The following SLC17A9 variants were observed in gnomAD, a reference collection of about 807,000 sequenced individuals.
SLC17A9 encodes solute carrier family 17 member 9.
A neutral mutation model predicts 55.0 loss-of-function variants in SLC17A9; 49 were observed. The ratio of observed to expected loss-of-function variants is 0.89; its 90% CI spans 0.71 to 1.13. The LOEUF is 1.13. Ranked by LOEUF, SLC17A9 falls within the 50% of genes most tolerant of loss-of-function variation. SLC17A9 has a pLI of 0.00. For missense variants in SLC17A9, 526 were observed against 569.3 expected (o/e 0.92, Z 0.77); for synonymous variants, 256 against 247.4 (o/e 1.03, Z -0.32).
intron 12 of SLC17A9, 89 bp from the exon 13 acceptor site, chr20:62,967,248 T>C (rs2065649017): frequency 1.8e-5 from 27 of 1,510,242 alleles, no homozygotes; most frequent in Non-Finnish European, 2.4e-5. Flanking sequence ...CCCCCAGCCC[T>C]TCCCCTGGCA....
chr20:62,965,095 G>A (rs757135216), intron 8 of SLC17A9, 37 bp from the exon 9 acceptor site: 6 of 1,613,716 alleles, frequency 3.7e-6, no homozygotes, highest in Middle Eastern at 3.3e-4. Flanking sequence ...AGCACGAAAG[G>A]GCTAACGGGA....
At chr20:62,957,763 G>C (rs1313787505) in intron 3 of SLC17A9, among the ~76,000 whole-genome samples, 183 bp downstream of exon 3, 3 of 144,030 alleles carry the variant, frequency 2.1e-5, no homozygotes, top group Non-Finnish European at 4.6e-5. Flanking sequence ...TGTGTGTATG[G>C]CATGCCCGCG....
intron 2 of SLC17A9, chr20:62,957,207 G>A (rs2065544585): frequency 3.0e-6 from 3 of 985,288 alleles, no homozygotes; most frequent in Non-Finnish European, 3.6e-6. Flanking sequence ...TGGGAGCTGG[G>A]AGGGGAGAGG....
In SLC17A9 at chr20:62,957,490, A is replaced by G. The variant is rs1033287330; in HGVS notation, c.307A>G (p.Ile103Val). 3.7e-6 allele frequency: 6 copies of G among 1,609,456 alleles called. No homozygotes were observed. The highest frequency in any genetic ancestry group is 5.1e-6 in the Non-Finnish European group (6 of 1,178,524). The change falls in exon 3 of 13, where the codon ATC (isoleucine) becomes GTC (valine). Residue 103 changes from isoleucine (I) to valine (V), a missense_variant. Physicochemically the swap from Ile to Val is conservative, Grantham distance 29. Transcript: ENST00000370351. Reference protein sequence around the residue: ...ILLSASAWGSITAVTPLLAHL... With the variant: ...ILLSASAWGSVTAVTPLLAHL... ...GCTGTCAGCCTCTGCCTGGGGCTCCATCACGGCCGTCACCCCACTGCTCGC... is the reference window on the plus strand; with the variant it reads ...GCTGTCAGCCTCTGCCTGGGGCTCCGTCACGGCCGTCACCCCACTGCTCGC...
At chr20:62,952,966 G>A (rs1050290893) in intron 1 of SLC17A9, 77 bp downstream of exon 1, 6 of 1,393,578 alleles carry the variant, frequency 4.3e-6, no homozygotes, top group Non-Finnish European at 4.8e-6. Context: ...ATACTGCCAC[G>A]TGGGACGATG....
Position 62,965,136 on chromosome 20 carries a change from C to T in SLC17A9, c.915C>T (p.Tyr305=), listed in dbSNP as rs759939066. 1.2e-6 allele frequency: 2 copies of T among 1,614,118 alleles called. No homozygotes were observed. Among genetic ancestry groups the T allele is most frequent in the East Asian group, 2.2e-5 (1 of 44,890 alleles). The stretch of plus-strand genomic sequence containing the variant: ...TTCCTTGGCCTCCCCCTGTAGGTTA[C>T]AGAGCCATCACGGTGCGGAAGCTCA... ...FLSDHLINQG[Y]RAITVRKLMQ... is the part of the protein sequence containing the mutation. Residue 305 remains tyrosine (Y), a synonymous_variant, in exon 9 of 13, where the codon TAC becomes TAT. Transcript: ENST00000370351.
chr20:62,961,597 C>G (rs2065589528), intron 4 of SLC17A9, among the ~76,000 whole-genome samples: 1 of 152,186 alleles, frequency 6.6e-6, no homozygotes, highest in African/African-American at 2.4e-5. Flanking sequence ...GTTACTGTTG[C>G]TGAGGTTCAG....
chr20:62,960,589 C>T lies in SLC17A9; in HGVS notation c.483C>T (p.Ala161=), dbSNP rs2065581087. The change falls in exon 4 of 13, where the codon GCC becomes GCT. Residue 161 remains alanine, a synonymous_variant. Transcript: ENST00000370351. ...CCTTCACCTACAGCATCGTGGGCGCCGGCTCCCAGTTTGGGTAAGTCCTGG... is the reference window on the plus strand; with the variant it reads ...CCTTCACCTACAGCATCGTGGGCGCTGGCTCCCAGTTTGGGTAAGTCCTGG... ...ERAFTYSIVG[A]GSQFGTLLTG... 1 of 1,612,374 alleles carries T rather than the reference C, an allele frequency of 6.2e-7. No individual in the cohort carries two copies. Among genetic ancestry groups the T allele is most frequent in the Non-Finnish European group, 8.5e-7 (1 of 1,179,738 alleles).
chr20:62,964,649 G>T (rs2065618880), intron 8 of SLC17A9, among the ~76,000 whole-genome samples: 1 of 152,226 alleles, frequency 6.6e-6, no homozygotes, highest in African/African-American at 2.4e-5. Flanking sequence ...CCCACGCTGG[G>T]ATGAGCCCCG....
chr20:62,959,730 G>C (rs1015137343), intron 3 of SLC17A9, among the ~76,000 whole-genome samples: 1 of 152,276 alleles, frequency 6.6e-6, no homozygotes, highest in Non-Finnish European at 1.5e-5. Context: ...CCAGGCAGGC[G>C]CTTCCTGTGT....
At chr20:62,961,884 C>T (rs1396957282) in intron 4 of SLC17A9, among the ~76,000 whole-genome samples, 1 of 152,156 alleles carries the variant, frequency 6.6e-6, no homozygotes, top group East Asian at 1.9e-4. Flanking sequence ...GCCCTGGTGC[C>T]CAAGGCCAAG....
At chr20:62,953,873 T>A (rs1007814452) in intron 1 of SLC17A9, among the ~76,000 whole-genome samples, 14 of 152,232 alleles carry the variant, frequency 9.2e-5, no homozygotes, top group Non-Finnish European at 2.1e-4. Context: ...CACAGCCCTG[T>A]CAGGCGCCAA....
intron 1 of SLC17A9, chr20:62,953,368 C>T: frequency 1.4e-6 from 2 of 1,418,660 alleles, no homozygotes; most frequent in Non-Finnish European, 9.6e-7. Flanking sequence ...TCCCCGCTGG[C>T]TTCAGCTCTC....
rs1004953629 is a variant in SLC17A9 at position 62,952,723 on chromosome 20, T to C, written c.-108T>C. On this transcript the variant is annotated 5_prime_UTR_variant, in exon 1 of 13. Coordinates refer to ENST00000370351, the MANE Select transcript of SLC17A9 (RefSeq NM_022082.4). ...CTGAGAGAACCAGACGGAAGCGCGC[T>C]GGGACTGACACGTGGACTTGGGCGG... 1.3e-5 allele frequency: 16 copies of C among 1,192,230 alleles called. No homozygotes were observed. Among genetic ancestry groups the C allele is most frequent in the Non-Finnish European group, 1.7e-5 (15 of 879,480 alleles). The allele number at this position is 1,192,230 out of a possible 1,614,324, so 73.9% of individuals were successfully genotyped here.
In SLC17A9 at chr20:62,958,020, GC is replaced by G. The variant is rs2065557071; in HGVS notation, c.397+441del. Among the ~76,000 whole-genome samples, 1 of 152,158 alleles carries G rather than the reference GC, an allele frequency of 6.6e-6. No individual in the cohort carries two copies. The highest frequency in any genetic ancestry group is 2.1e-4 in the South Asian group (1 of 4,836). On this transcript the variant is annotated intron_variant, in intron 3 of 12. Transcript: ENST00000370351. This position sits in a 1 kb window ranked among gnomAD's most constrained non-coding sequence, Gnocchi z 4.1. ...CGTATGTGTGCATGCACATGTGTGA[GC>G]ATGCACTTGTGCGTGCAGGTGGTAT...
At chr20:62,961,069 A>ATCCACGATGCGGCAAC (rs1362742121) in intron 4 of SLC17A9, among the ~76,000 whole-genome samples, 1 of 85,734 alleles carries the variant, frequency 1.2e-5, no homozygotes, top group Non-Finnish European at 2.5e-5. Context: ...GCTTGTCCTC[A>ATCCACGATGCGGCAAC]CGGTGGGCCT....
At chr20:62,966,861 G>C in intron 12 of SLC17A9, 129 bp downstream of exon 12, 3 of 1,214,818 alleles carry the variant, frequency 2.5e-6, no homozygotes, top group Non-Finnish European at 3.4e-6. Context: ...ACAGACCCCA[G>C]AGCAGGCCCA....
In SLC17A9 at chr20:62,963,328, C is replaced by T. The variant is rs1324834805; in HGVS notation, c.684C>T (p.Asn228=). The change falls in exon 6 of 13, where the codon AAC becomes AAT. Residue 228 remains asparagine (N), a synonymous_variant. Transcript: ENST00000370351. The part of the protein sequence containing the change: ...LAQSRPVSRH[N]RVPWRRLFRK... ...AAAGCCGGCCGGTGTCCAGGCACAACAGAGTCCCCTGGAGACGGCTCTTCC... is the reference window on the plus strand; with the variant it reads ...AAAGCCGGCCGGTGTCCAGGCACAATAGAGTCCCCTGGAGACGGCTCTTCC... The T allele has an allele frequency of 6.2e-7, 1 of 1,613,824 alleles. No individual in the cohort carries two copies. The highest frequency in any genetic ancestry group is 1.7e-5 in the Admixed American group (1 of 60,034).
At position 62,956,756 on chromosome 20, in the gene SLC17A9, G is replaced by A. The variant is rs2065539563; in HGVS notation, c.60-9G>A. ...CCTCCCCAGGGCCTGACCATCTCCT[G>A]TCCCACAGGCCCGAGTGCCAGGCAT... On this transcript the variant is annotated splice_polypyrimidine_tract_variant and intron_variant, in intron 1 of 12. Transcript: ENST00000370351. 1 of 1,609,282 alleles carries A rather than the reference G, an allele frequency of 6.2e-7. No individual in the cohort carries two copies. The highest frequency in any genetic ancestry group is 1.3e-5 in the African/African-American group (1 of 74,842).
Sources: gnomAD v4.1 joint callset for allele counts (sites outside exome capture counted in the v4.1 genomes callset) on GRCh38, gnomAD v4.1.1 for gene constraint, Gnocchi (gnomAD v3.1) non-coding constraint, MANE v1.5 for transcripts, NCBI Gene and HGNC (gene_info 2026-07-23, HGNC 2026-07-21) for gene names.